Variants in EGFL6 observed in about 807,000 individuals in gnomAD.
The protein encoded by EGFL6 is EGF like domain multiple 6.
In EGFL6, 42 loss-of-function variants were observed where a neutral mutation model predicts 43.1. The ratio of observed to expected loss-of-function variants is 0.98; its 90% CI spans 0.76 to 1.26. The LOEUF (loss-of-function observed/expected upper bound fraction) is 1.26. EGFL6 is among the 50% of genes most tolerant of loss of function. EGFL6 has a pLI of 0.00. For synonymous variants in EGFL6, 164 were observed against 163.2 expected, an observed-to-expected ratio of 1.01 and a Z score of -0.04; for missense variants, 429 against 427.8, an observed-to-expected ratio of 1.00 and a Z score of -0.02.
intron 2 of EGFL6, among the ~76,000 whole-genome samples, chrX:13,593,873 T>C (rs1434770466): frequency 9.0e-6 from 1 of 110,892 alleles, no homozygotes; most frequent in Non-Finnish European, 1.9e-5. Context: ...TCTTTAAGAA[T>C]AGGCTTTCTT....
chrX:13,608,889 A>T (rs2045674940), intron 7 of EGFL6, among the ~76,000 whole-genome samples: 1 of 112,551 alleles, frequency 8.9e-6, no homozygotes, highest in African/African-American at 3.2e-5. Flanking sequence ...CAACCAAAAC[A>T]AAGTAAGGCA....
chrX:13,597,962 C>T lies in EGFL6; in HGVS notation c.281-2013C>T, dbSNP rs1240144576. Among the ~76,000 whole-genome samples the T allele has an allele frequency of 5.3e-5, 6 of 112,216 alleles. No individual in the cohort carries two copies. In the South Asian group the frequency reaches 1.1e-3, roughly 21 times the overall value. On this transcript the variant is annotated intron_variant, in intron 3 of 11. Transcript: ENST00000361306. Reference sequence around the variant, plus strand: ...TTTTAAAGTCTCAGCAAAATATTAACGTTGAGGGAGTGGTCCAGTTGGATC... The same window carrying T: ...TTTTAAAGTCTCAGCAAAATATTAATGTTGAGGGAGTGGTCCAGTTGGATC...
rs1326551826 is a variant in EGFL6 at position 13,600,280 on chromosome X, C to CTTCTTTTTTTTTTTT, written c.400+188_400+189insCTTTTTTTTTTTTTT. 1.3e-3 allele frequency among the ~76,000 whole-genome samples: 59 copies of CTTCTTTTTTTTTTTT among 44,291 alleles called. 1 individual carries two copies. The highest frequency in any genetic ancestry group is 2.8e-3 in the South Asian group (1 of 352). The allele number at this position is 44,291 out of a possible 115,157, so 38.5% of individuals were successfully genotyped here. A position where few individuals can be genotyped will look rare whatever the true frequency, so the allele number is the denominator to read the frequency against. On this transcript the variant is annotated intron_variant, in intron 4 of 11. Transcript: ENST00000361306. The stretch of plus-strand genomic sequence containing the variant: ...TCCTTTCTTTCCTTCTTTCTTTCTT[C>CTTCTTTTTTTTTTTT]TTTTTTTTTTTTTTTTTTTTTTTTG...
chrX:13,594,568 T>C (rs1237728113), intron 2 of EGFL6, among the ~76,000 whole-genome samples: 1 of 112,071 alleles, frequency 8.9e-6, no homozygotes, highest in Non-Finnish European at 1.9e-5. Context: ...CCAGGGTTAC[T>C]CTGGAGTCTC....
intron 9 of EGFL6, among the ~76,000 whole-genome samples, chrX:13,621,903 C>T (rs1003699836): frequency 8.9e-6 from 1 of 112,484 alleles, no homozygotes; most frequent in Non-Finnish European, 1.9e-5. Context: ...AGACCAAAGC[C>T]TTGAGTTTTA....
intron 1 of EGFL6, among the ~76,000 whole-genome samples, chrX:13,582,354 C>T (rs2045511740): frequency 9.0e-6 from 1 of 111,188 alleles, no homozygotes; most frequent in African/African-American, 3.3e-5. Context: ...GCCCACTGCG[C>T]CCGGCCGAGT....
At chrX:13,628,079 C>A (rs1229243608) in intron 11 of EGFL6, among the ~76,000 whole-genome samples, 1 of 111,158 alleles carries the variant, frequency 9.0e-6, no homozygotes, top group East Asian at 2.8e-4. Flanking sequence ...AAGGCCCCCA[C>A]CATAAGTCAC....
At chrX:13,574,730 C>CAA (rs375214518) in intron 1 of EGFL6, 1,335 of 74,293 alleles carry the variant, frequency 0.018, 22 homozygotes, top group African/African-American at 0.047. Context: ...GCAAAAAAGA[C>CAA]AAAAAAAAAA....
chrX:13,578,336 G>C (rs1265668933), intron 1 of EGFL6, among the ~76,000 whole-genome samples: 1 of 107,986 alleles, frequency 9.3e-6, no homozygotes, highest in East Asian at 2.9e-4. Context: ...TGGTGGGACT[G>C]TAAACTAGTT....
intron 8 of EGFL6, 107 bp from the exon 9 acceptor site, chrX:13,619,056 A>G: frequency 1.7e-6 from 1 of 586,041 alleles, no homozygotes; most frequent in Middle Eastern, 3.2e-4. Flanking sequence ...TATATTCTGT[A>G]ATTAGAATAC....
At chrX:13,577,210 A>AG (rs1288498390) in intron 1 of EGFL6, among the ~76,000 whole-genome samples, 1 of 106,532 alleles carries the variant, frequency 9.4e-6, no homozygotes, top group East Asian at 2.9e-4. Flanking sequence ...CCTGGCACAT[A>AG]GTAGGTGCTG....
At chrX:13,610,059 A>T (rs1387046411) in intron 7 of EGFL6, among the ~76,000 whole-genome samples, 3 of 111,858 alleles carry the variant, frequency 2.7e-5, no homozygotes, top group Non-Finnish European at 5.6e-5. Context: ...CGCCACACCC[A>T]TAAAAGGTTC....
rs1326551826 is a variant in EGFL6, at chrX:13,600,280, C to CTTCTTTTTT, written c.400+188_400+189insCTTTTTTTT. On this transcript the variant is annotated intron_variant, in intron 4 of 11. Transcript: ENST00000361306. ...TCCTTTCTTTCCTTCTTTCTTTCTT[C>CTTCTTTTTT]TTTTTTTTTTTTTTTTTTTTTTTTG... Among the ~76,000 whole-genome samples, 44 of 44,271 alleles carry CTTCTTTTTT rather than the reference C, an allele frequency of 9.9e-4. 2 individuals are homozygous for CTTCTTTTTT. The highest frequency in any genetic ancestry group is 2.6e-3 in the African/African-American group (27 of 10,379). The allele number at this position is 44,271 out of a possible 115,157, so 38.4% of individuals were successfully genotyped here. A position where few individuals can be genotyped will look rare whatever the true frequency, so the allele number is the denominator to read the frequency against.
chrX:13,594,662 T>C (rs2045586589), intron 2 of EGFL6, among the ~76,000 whole-genome samples, 174 bp from the exon 3 acceptor site: 1 of 111,605 alleles, frequency 9.0e-6, no homozygotes, highest in Admixed American at 9.5e-5. Context: ...GAAGGCTTTA[T>C]ATTTCATTGA....
chrX:13,625,904 GAAAAA>G (rs1569210506), intron 10 of EGFL6, among the ~76,000 whole-genome samples: 5 of 27,242 alleles, frequency 1.8e-4, no homozygotes, highest in African/African-American at 7.9e-4. Flanking sequence ...AAAAAAAAAA[GAAAAA>G]GAAAAAAAGA....
intron 1 of EGFL6, among the ~76,000 whole-genome samples, chrX:13,579,432 C>A (rs1451604373): frequency 9.0e-6 from 1 of 111,585 alleles, no homozygotes; most frequent in Non-Finnish European, 1.9e-5. Flanking sequence ...TGATCTCATT[C>A]TTTTTATGGC....
chrX:13,594,648 T>C (rs1328421706), intron 2 of EGFL6, among the ~76,000 whole-genome samples, 188 bp from the exon 3 acceptor site: 2 of 111,490 alleles, frequency 1.8e-5, no homozygotes, highest in African/African-American at 6.5e-5. Context: ...CTGACTGTGG[T>C]CTGGAAGGCT....
intron 9 of EGFL6, among the ~76,000 whole-genome samples, chrX:13,619,920 T>C (rs925666716): frequency 5.4e-5 from 6 of 111,628 alleles, no homozygotes; most frequent in African/African-American, 2.0e-4. Context: ...CTGTTTCTCA[T>C]GAGGCAACAG....
chrX:13,606,966 A>G (rs1315699864), intron 6 of EGFL6, among the ~76,000 whole-genome samples: 3 of 111,953 alleles, frequency 2.7e-5, no homozygotes, highest in Admixed American at 1.9e-4. Context: ...AGAGAAATGT[A>G]TGAGAGACAT....
Sources: allele counts gnomAD v4.1 joint callset (sites outside exome capture counted in the v4.1 genomes callset), GRCh38; gene constraint gnomAD v4.1.1; transcripts MANE v1.5; gene names NCBI Gene and HGNC (gene_info 2026-07-23, HGNC 2026-07-21).